Variants in FOXJ3 observed in about 807,000 individuals in gnomAD.
The protein encoded by FOXJ3 is forkhead box J3, also known as forkhead box protein J3.
In FOXJ3, 22 loss-of-function variants were observed where a neutral mutation model predicts 76.1. The ratio of observed to expected loss-of-function variants is 0.29; its 90% confidence interval spans 0.21 to 0.41. The LOEUF is 0.41. FOXJ3 is among the 10% of genes least tolerant of loss of function. FOXJ3 has a pLI of 1.00. For missense variants in FOXJ3, 613 were observed against 762.1 expected (o/e 0.80, Z 2.30); for synonymous variants, 269 against 261.2 (o/e 1.03, Z -0.29).
intron 2 of FOXJ3, among the ~76,000 whole-genome samples, chr1:42,299,407 A>G (rs916728417): frequency 3.3e-5 from 5 of 150,106 alleles, no homozygotes; most frequent in Admixed American, 2.7e-4. Context: ...AGTTTATCTG[A>G]TACGAGAATG....
At chr1:42,248,719 T>C (rs141858556) in intron 4 of FOXJ3, among the ~76,000 whole-genome samples, 1,635 of 140,918 alleles carry the variant, frequency 0.012, 35 homozygotes, top group African/African-American at 0.041. Flanking sequence ...AACTCAAGTC[T>C]CCTGTTTTTT....
Position 42,271,810 on chromosome 1 carries a change from G to A in FOXJ3, c.369+6538C>T, listed in dbSNP as rs142851807. Among the ~76,000 whole-genome samples, 118 of 151,760 alleles carry A rather than the reference G, an allele frequency of 7.8e-4. 1 individual carries two copies. The highest frequency in any genetic ancestry group is 2.5e-3 in the African/African-American group (105 of 41,366). ...ACCACAGGGACACGCTACCATGCCC[G>A]GCTAATTTCTTTTTTTATTTTTTAC... On this transcript the variant is annotated intron_variant, in intron 3 of 12. Transcript: ENST00000361346.
chr1:42,331,397 T>C (rs1407951129), intron 1 of FOXJ3, among the ~76,000 whole-genome samples: 1 of 151,630 alleles, frequency 6.6e-6, no homozygotes, highest in African/African-American at 2.4e-5. Context: ...ATAATAATAA[T>C]AATGAAAGAA....
upstream of FOXJ3, chr1:42,335,250 C>CCCCG (rs1656426161): frequency 6.6e-6 from 1 of 152,132 alleles, no homozygotes; most frequent in African/African-American, 2.4e-5. Context: ...GACCCGCATC[C>CCCCG]CCCGCCCGCC....
chr1:42,303,261 C>T (rs1654267820), intron 2 of FOXJ3, among the ~76,000 whole-genome samples: 1 of 152,162 alleles, frequency 6.6e-6, no homozygotes, highest in African/African-American at 2.4e-5. Flanking sequence ...CTTAACTTTA[C>T]CTCAGTTTCC....
intron 2 of FOXJ3, among the ~76,000 whole-genome samples, chr1:42,309,397 C>T (rs1218160497): frequency 6.6e-6 from 1 of 152,216 alleles, no homozygotes; most frequent in African/African-American, 2.4e-5. Flanking sequence ...CTCCATCATA[C>T]TTTAAGATCT....
At chr1:42,196,538 C>CA (rs1322890944) in intron 7 of FOXJ3, among the ~76,000 whole-genome samples, 9 of 152,124 alleles carry the variant, frequency 5.9e-5, no homozygotes, top group Admixed American at 5.9e-4. Context: ...ATTAAAAATA[C>CA]AAAAATTAGC....
At chr1:42,197,707 C>G (rs1646679559) in intron 7 of FOXJ3, among the ~76,000 whole-genome samples, 1 of 151,774 alleles carries the variant, frequency 6.6e-6, no homozygotes, top group Non-Finnish European at 1.5e-5. Flanking sequence ...AAATAACAGT[C>G]TCGCTCTATC....
At chr1:42,204,589 G>C (rs1168138450) in intron 6 of FOXJ3, among the ~76,000 whole-genome samples, 2 of 152,036 alleles carry the variant, frequency 1.3e-5, no homozygotes, top group African/African-American at 4.8e-5. Context: ...TCACCTAGCT[G>C]GTCACCATTA....
chr1:42,324,360 TATACTATATATACTATATATAACATATAA>T (rs1358887172), intron 1 of FOXJ3, among the ~76,000 whole-genome samples: 1 of 146,400 alleles, frequency 6.8e-6, no homozygotes, highest in African/African-American at 2.5e-5. Context: ...ACATAACATA[TATACTATATATACTATATATAACATATAA>T]ATACTATATA....
rs755102879 is a variant in FOXJ3, at chr1:42,177,908, G to A, written c.*1802C>T. The A allele has an allele frequency of 3.3e-5, 5 of 152,462 alleles. No homozygotes were observed. Among genetic ancestry groups the A allele is most frequent in the Non-Finnish European group, 5.9e-5 (4 of 68,010 alleles). The allele number at this position is 152,462 out of a possible 1,614,324, so 9.4% of individuals were successfully genotyped here. ...TAGCATGGCTGATAAGACCAGAGAT[G>A]CTAAAAAGCAACTAGTGAGCAGTTA... On this transcript the variant is annotated 3_prime_UTR_variant, in exon 13 of 13. Transcript: ENST00000361346.
At chr1:42,331,391 T>C (rs1405441161) in intron 1 of FOXJ3, among the ~76,000 whole-genome samples, 1 of 151,684 alleles carries the variant, frequency 6.6e-6, no homozygotes, top group African/African-American at 2.4e-5. Context: ...CAAATAATAA[T>C]AATAATAATG....
chr1:42,184,826 TCTAA>T (rs1486853748), intron 11 of FOXJ3, among the ~76,000 whole-genome samples: 1 of 152,018 alleles, frequency 6.6e-6, no homozygotes, highest in African/African-American at 2.4e-5. Context: ...GAGTCATGTG[TCTAA>T]CTGAGGGAAG....
intron 3 of FOXJ3, among the ~76,000 whole-genome samples, chr1:42,271,413 T>C (rs1382854207): frequency 6.6e-6 from 1 of 152,082 alleles, no homozygotes; most frequent in Non-Finnish European, 1.5e-5. Context: ...CCACCTTGGC[T>C]CCCAACTATC....
chr1:42,254,412 C>A (rs1173763805), intron 4 of FOXJ3, among the ~76,000 whole-genome samples: 12 of 145,762 alleles, frequency 8.2e-5, no homozygotes, highest in Non-Finnish European at 1.4e-4. Flanking sequence ...TGTGGCGATT[C>A]CTCAGGGATC....
intron 7 of FOXJ3, among the ~76,000 whole-genome samples, chr1:42,197,657 T>C (rs1646677448): frequency 1.3e-5 from 2 of 151,554 alleles, no homozygotes; most frequent in Admixed American, 6.6e-5. Flanking sequence ...GTTGTTAAAC[T>C]ATATTTTTTT....
At chr1:42,273,130 T>C (rs1403443197) in intron 3 of FOXJ3, among the ~76,000 whole-genome samples, 1 of 152,230 alleles carries the variant, frequency 6.6e-6, no homozygotes, top group African/African-American at 2.4e-5. Context: ...ACACAATGGA[T>C]ATTTTTATAG....
rs762102416 is a variant in FOXJ3 at position 42,191,481 on chromosome 1, C to T, written c.1173G>A (p.Pro391=). 6.8e-6 allele frequency: 11 copies of T among 1,613,660 alleles called. No individual in the cohort carries two copies. Among genetic ancestry groups the T allele is most frequent in the Admixed American group, 5.0e-5 (3 of 59,976 alleles). ...GGTGTGGGGAACGCTGCGGATGCTGCGGTAAACCATGCGGTCGATGGGGAG... is the reference window on the plus strand; with the variant it reads ...GGTGTGGGGAACGCTGCGGATGCTGTGGTAAACCATGCGGTCGATGGGGAG... The part of the protein sequence containing the change: ...PHPPHRPHGL[P]QHPQRSPHPA... The change falls in exon 9 of 13, where the codon CCG becomes CCA. Residue 391 remains proline, a synonymous_variant. Transcript: ENST00000361346.
Position 42,286,449 on chromosome 1 carries a change from C to G in FOXJ3, c.45-7777G>C, listed in dbSNP as rs189246905. Among the ~76,000 whole-genome samples, 4 of 152,254 alleles carry G rather than the reference C, an allele frequency of 2.6e-5. No individual in the cohort carries two copies. The East Asian group carries it at 7.7e-4, about 29-fold the overall frequency. The stretch of plus-strand genomic sequence containing the variant: ...TGTGGTCCTGAACAAGTAAATTAAC[C>G]TCCTTATGTCTCAGTTTCCTCATCT... On this transcript the variant is annotated intron_variant, in intron 2 of 12. Transcript: ENST00000361346.
Sources: allele counts gnomAD v4.1 joint callset (sites outside exome capture counted in the v4.1 genomes callset), GRCh38; gene constraint gnomAD v4.1.1; transcripts MANE v1.5; gene names NCBI Gene and HGNC (gene_info 2026-07-23, HGNC 2026-07-21).